The following PHF14 variants were observed in gnomAD, a reference collection of about 807,000 sequenced individuals.
PHF14 encodes PHD finger protein 14.
A neutral mutation model predicts 117.9 loss-of-function variants in PHF14; 55 were observed. The observed-to-expected ratio is 0.47, with a 90% CI of 0.38 to 0.58. The LOEUF (loss-of-function observed/expected upper bound fraction) is 0.58. PHF14 is among the 20% of genes least tolerant of loss of function. The pLI is 0.00. For missense variants in PHF14, 978 were observed against 1,122.2 expected (o/e 0.87, Z 1.84); for synonymous variants, 409 against 368.6 (o/e 1.11, Z -1.26).
chr7:11,074,964 G>A (rs143024338), intron 16 of PHF14, among the ~76,000 whole-genome samples: 2,479 of 143,382 alleles, frequency 0.017, 70 homozygotes, highest in African/African-American at 0.061. Flanking sequence ...TTTAGATGGA[G>A]TCTTGCTCTG....
intron 17 of PHF14, among the ~76,000 whole-genome samples, chr7:11,167,729 G>A (rs1234426372): frequency 2.0e-5 from 3 of 152,070 alleles, no homozygotes; most frequent in Non-Finnish European, 4.4e-5. Flanking sequence ...TTATAATGTA[G>A]TTAAAATGTA....
chr7:11,111,609 A>T, intron 17 of PHF14, 142 bp downstream of exon 17: 110 of 438,822 alleles, frequency 2.5e-4, no homozygotes, highest in East Asian at 3.8e-4. Flanking sequence ...ATATATTGCT[A>T]TGGTTATTTT....
chr7:11,127,128 C>G (rs1259307356), intron 17 of PHF14, among the ~76,000 whole-genome samples: 1 of 151,736 alleles, frequency 6.6e-6, no homozygotes, highest in East Asian at 1.9e-4. Context: ...TTTTAAATAT[C>G]AAAGTCCAGT....
intron 4 of PHF14, among the ~76,000 whole-genome samples, chr7:10,991,466 C>T (rs1468498964): frequency 6.6e-6 from 1 of 151,948 alleles, no homozygotes; most frequent in Non-Finnish European, 1.5e-5. Flanking sequence ...TGAACTACCG[C>T]GCCCGGCCAA....
chr7:11,080,722 A>G (rs1259488116), intron 16 of PHF14, among the ~76,000 whole-genome samples: 1 of 152,320 alleles, frequency 6.6e-6, no homozygotes, highest in Non-Finnish European at 1.5e-5. Context: ...GTGCGGATAT[A>G]TATCCTAATG....
At chr7:11,097,914 T>G (rs890504362) in intron 16 of PHF14, among the ~76,000 whole-genome samples, 8 of 152,112 alleles carry the variant, frequency 5.3e-5, no homozygotes, top group Non-Finnish European at 1.2e-4. Flanking sequence ...CATTTAAATT[T>G]AAAGGAAGGG....
At chr7:11,055,891 C>T (rs777909001) in intron 14 of PHF14, among the ~76,000 whole-genome samples, 9 of 152,084 alleles carry the variant, frequency 5.9e-5, no homozygotes, top group Non-Finnish European at 1.0e-4. Context: ...TTCAGTTCTA[C>T]TGAAGTGACT....
intron 5 of PHF14, among the ~76,000 whole-genome samples, chr7:11,016,159 G>T (rs1186143735): frequency 2.0e-5 from 3 of 151,978 alleles, no homozygotes. Context: ...GTGCAATCTG[G>T]CAAAAATTCT....
intron 14 of PHF14, among the ~76,000 whole-genome samples, chr7:11,052,909 A>G (rs1784890721): frequency 6.6e-6 from 1 of 152,066 alleles, no homozygotes; most frequent in African/African-American, 2.4e-5. Flanking sequence ...AGGGGCCTCT[A>G]CCAACTTGAG....
At chr7:11,102,549 T>C in intron 16 of PHF14, 2 of 1,610,520 alleles carry the variant, frequency 1.2e-6, no homozygotes, top group South Asian at 2.2e-5. Flanking sequence ...GAAACCTCTT[T>C]TATAAGTGTG....
chr7:10,995,162 A>G (rs919820864), intron 4 of PHF14, among the ~76,000 whole-genome samples: 1 of 152,154 alleles, frequency 6.6e-6, no homozygotes, highest in African/African-American at 2.4e-5. Context: ...TGAGCTAGAC[A>G]CAGAGTGCTG....
At chr7:10,985,573 A>G (rs1318971194) in intron 3 of PHF14, among the ~76,000 whole-genome samples, 1 of 143,086 alleles carries the variant, frequency 7.0e-6, no homozygotes, top group East Asian at 2.2e-4. Context: ...GCCTTAACAT[A>G]TGCTTAATGG....
intron 13 of PHF14, among the ~76,000 whole-genome samples, chr7:11,044,742 C>G (rs1784611831): frequency 6.6e-6 from 1 of 152,066 alleles, no homozygotes; most frequent in African/African-American, 2.4e-5. Context: ...ATTATCTATG[C>G]TCTAGAGGTT....
At chr7:11,164,964 G>A (rs1454137779) in intron 17 of PHF14, among the ~76,000 whole-genome samples, 4 of 151,772 alleles carry the variant, frequency 2.6e-5, no homozygotes, top group African/African-American at 9.7e-5. Context: ...TCGCTCAATT[G>A]CCCAGGCTGC....
At chr7:11,147,613 C>T (rs1008176205) in intron 17 of PHF14, among the ~76,000 whole-genome samples, 1 of 152,154 alleles carries the variant, frequency 6.6e-6, no homozygotes. Flanking sequence ...TTTCTTGAAA[C>T]ATTTTCTTTT....
rs1259095958 is a variant in PHF14, at chr7:11,082,339, C to A, written c.2654+20254C>A. On this transcript the variant is annotated intron_variant, in intron 16 of 17. Coordinates refer to ENST00000634607, the MANE Select transcript of PHF14 (RefSeq NM_001007157.2). Reference sequence around the variant, plus strand: ...CTCCAGCCTGGGCAACAGAGCAAGACCCTGTCTCAAAAAACAAAGCAAACA... The same window carrying A: ...CTCCAGCCTGGGCAACAGAGCAAGAACCTGTCTCAAAAAACAAAGCAAACA... Among the ~76,000 whole-genome samples, 13 of 152,234 alleles carry A rather than the reference C, an allele frequency of 8.5e-5. No individual in the cohort carries two copies. The South Asian group carries it at 1.9e-3, about 22-fold the overall frequency.
chr7:11,150,827 A>C (rs1370718761), intron 17 of PHF14, among the ~76,000 whole-genome samples: 1 of 152,174 alleles, frequency 6.6e-6, no homozygotes, highest in Non-Finnish European at 1.5e-5. Flanking sequence ...TCAGACTGGT[A>C]TCAAAGTCTC....
Position 11,083,637 on chromosome 7 carries a change from A to G in PHF14, c.2654+21552A>G, listed in dbSNP as rs1786259454. Among the ~76,000 whole-genome samples, 3 of 151,494 alleles carry G rather than the reference A, an allele frequency of 2.0e-5. No homozygotes were observed. The South Asian group carries it at 6.3e-4, about 32-fold the overall frequency. On this transcript the variant is annotated intron_variant, in intron 16 of 17. Transcript: ENST00000634607. ...CACTACGCCCGGCTAACTTCTTTGT[A>G]TTTTTAGTAGAGACAGGGTTTCACC...
At chr7:11,013,929 T>C in intron 5 of PHF14, 23 bp downstream of exon 5, 2 of 1,539,370 alleles carry the variant, frequency 1.3e-6, no homozygotes, top group Non-Finnish European at 1.8e-6. Flanking sequence ...ATTATGTTGG[T>C]TCATATGTTT....
Sources: gnomAD v4.1 joint callset for allele counts (sites outside exome capture counted in the v4.1 genomes callset) on GRCh38, gnomAD v4.1.1 for gene constraint, MANE v1.5 for transcripts, NCBI Gene and HGNC (gene_info 2026-07-23, HGNC 2026-07-21) for gene names.